Variants in XPNPEP3 observed in about 807,000 individuals in gnomAD.
XPNPEP3 encodes xaa-Pro aminopeptidase 3.
In XPNPEP3, 41 loss-of-function variants were observed where a neutral mutation model predicts 60.0. The ratio of observed to expected loss-of-function variants is 0.68; its 90% confidence interval spans 0.53 to 0.89. The LOEUF is 0.89. Ranked by LOEUF, XPNPEP3 falls within the 40% of genes least tolerant of loss-of-function variation. XPNPEP3 has a pLI of 0.00. For synonymous variants in XPNPEP3, 212 were observed against 223.2 expected, an observed-to-expected ratio of 0.95 and a Z score of 0.45; for missense variants, 598 against 638.9, an observed-to-expected ratio of 0.94 and a Z score of 0.69.
At chr22:40,861,544 A>G in intron 1 of XPNPEP3, 1 of 1,613,482 alleles carries the variant, frequency 6.2e-7, no homozygotes, top group South Asian at 1.1e-5. Flanking sequence ...TCATATGAAG[A>G]AAATTTCTCA....
At chr22:40,889,009 T>G (rs760314825) in intron 4 of XPNPEP3, among the ~76,000 whole-genome samples, 8 of 148,806 alleles carry the variant, frequency 5.4e-5, no homozygotes, top group Non-Finnish European at 1.0e-4. Flanking sequence ...TTCCTAATGG[T>G]TTTTTTTTTG....
chr22:40,904,681 G>T (rs1014502983), intron 4 of XPNPEP3, among the ~76,000 whole-genome samples: 4 of 152,180 alleles, frequency 2.6e-5, no homozygotes, highest in Admixed American at 1.3e-4. Context: ...TATGTTTTAG[G>T]TTTCATGCTA....
rs560908648 is a variant in XPNPEP3 at position 40,914,531 on chromosome 22, A to ATTTT, written c.1055+235_1055+238dup. On this transcript the variant is annotated intron_variant, in intron 7 of 9. Coordinates refer to ENST00000357137, the MANE Select transcript of XPNPEP3 (RefSeq NM_022098.4). ...AGAAACACCTAGGTAACTAACAAAG[A>ATTTT]TTTTTTTTTTTTTTTTTTTTTTTTT... 1.8e-3 allele frequency among the ~76,000 whole-genome samples: 125 copies of ATTTT among 67,666 alleles called. 13 individuals carry two copies. The highest frequency in any genetic ancestry group is 5.2e-3 in the African/African-American group (91 of 17,644). The allele number at this position is 67,666 out of a possible 152,430, so 44.4% of individuals were successfully genotyped here.
chr22:40,862,392 C>G, intron 1 of XPNPEP3: 7 of 993,004 alleles, frequency 7.0e-6, no homozygotes, highest in Non-Finnish European at 8.4e-6. Context: ...AATATGACCT[C>G]TAGATTACTG....
chr22:40,857,215 C>T lies in XPNPEP3; in HGVS notation c.34C>T (p.Pro12Ser), dbSNP rs1213385999. 1.2e-6 allele frequency: 2 copies of T among 1,614,094 alleles called. No homozygotes were observed. Among genetic ancestry groups the T allele is most frequent in the East Asian group, 2.2e-5 (1 of 44,888 alleles). Residue 12 changes from proline (P) to serine (S), a missense_variant, in exon 1 of 10, where the codon CCC becomes TCC. Transcript: ENST00000357137. The part of the protein sequence containing the change: ...PWLLSAPKLV[P>S]AVANVRGLSG... The stretch of plus-strand genomic sequence containing the variant: ...GCTGCTCTCAGCCCCCAAGCTGGTT[C>T]CCGCTGTAGCAAACGTCCGCGGCCT...
In XPNPEP3 at chr22:40,895,100, T is replaced by G. The variant is rs1016377344; in HGVS notation, c.792+8585T>G. On this transcript the variant is annotated intron_variant, in intron 4 of 9. Coordinates refer to ENST00000357137, the MANE Select transcript of XPNPEP3 (RefSeq NM_022098.4). ...TTTCATACAGAATTGCCCTCAGTTC[T>G]AGAACAGTCATCTGTGAACCAGTCC... Among the ~76,000 whole-genome samples the G allele has an allele frequency of 1.1e-4, 17 of 152,310 alleles. No homozygotes were observed. The East Asian group carries it at 3.3e-3, about 29-fold the overall frequency.
chr22:40,902,663 G>A (rs1003761560), intron 4 of XPNPEP3, among the ~76,000 whole-genome samples: 4 of 152,138 alleles, frequency 2.6e-5, no homozygotes, highest in East Asian at 3.9e-4. Flanking sequence ...GATTACAGGC[G>A]TGAGCCACCA....
intron 7 of XPNPEP3, among the ~76,000 whole-genome samples, chr22:40,919,192 A>C (rs1416677922): frequency 6.6e-6 from 1 of 152,186 alleles, no homozygotes; most frequent in Non-Finnish European, 1.5e-5. Context: ...ACTTAACTGT[A>C]GATTGGAGAC....
intron 7 of XPNPEP3, chr22:40,917,452 A>C (rs952743950): frequency 2.0e-5 from 3 of 152,116 alleles, no homozygotes; most frequent in African/African-American, 7.2e-5. Flanking sequence ...TAACAGATAC[A>C]AGATTTGGGA....
chr22:40,892,577 C>G (rs1222917069), intron 4 of XPNPEP3, among the ~76,000 whole-genome samples: 1 of 152,168 alleles, frequency 6.6e-6, no homozygotes, highest in Non-Finnish European at 1.5e-5. Flanking sequence ...CACTAAGGCT[C>G]TCTTATTTTG....
chr22:40,861,349 T>G (rs1347239733), intron 1 of XPNPEP3: 1 of 1,614,062 alleles, frequency 6.2e-7, no homozygotes, highest in African/African-American at 1.3e-5. Context: ...AACTCTCCAT[T>G]ATCTTCAGCT....
intron 7 of XPNPEP3, among the ~76,000 whole-genome samples, chr22:40,919,735 GCATT>G (rs981222857): frequency 2.4e-4 from 37 of 152,270 alleles, no homozygotes; most frequent in Non-Finnish European, 3.8e-4. Flanking sequence ...ATTCATAACA[GCATT>G]TATTCACAAT....
intron 4 of XPNPEP3, among the ~76,000 whole-genome samples, chr22:40,905,087 T>A (rs1451302388): frequency 1.4e-5 from 2 of 147,676 alleles, no homozygotes; most frequent in African/African-American, 2.5e-5. Context: ...TTTTTTTTAA[T>A]TTTTTTTTTG....
At chr22:40,895,100 T>C (rs1016377344) in intron 4 of XPNPEP3, among the ~76,000 whole-genome samples, 16 of 152,192 alleles carry the variant, frequency 1.1e-4, no homozygotes, top group Non-Finnish European at 2.1e-4. Flanking sequence ...CCCTCAGTTC[T>C]AGAACAGTCA....
At chr22:40,916,365 A>G (rs1201959065) in intron 7 of XPNPEP3, among the ~76,000 whole-genome samples, 1 of 152,194 alleles carries the variant, frequency 6.6e-6, no homozygotes, top group Non-Finnish European at 1.5e-5. Flanking sequence ...AGTAGCTGTT[A>G]TAGATAAGTT....
intron 1 of XPNPEP3, among the ~76,000 whole-genome samples, chr22:40,868,460 T>C (rs193263462): frequency 6.6e-6 from 1 of 152,090 alleles, no homozygotes; most frequent in East Asian, 1.9e-4. Flanking sequence ...TGTGTATGTG[T>C]ATAAAATATT....
chr22:40,929,754 C>G lies in XPNPEP3; in HGVS notation c.*3319C>G, dbSNP rs921351043. ...TTCTCATAGCAATGTTATGGGCTGT[C>G]TGATATATTCAGGATTTGTTGAGCA... is the stretch of plus-strand genomic sequence containing the variant. On this transcript the variant is annotated 3_prime_UTR_variant, in exon 10 of 10. Coordinates refer to ENST00000357137, the MANE Select transcript of XPNPEP3 (RefSeq NM_022098.4). 1.1e-4 allele frequency: 17 copies of G among 152,246 alleles called. No homozygotes were observed. Among genetic ancestry groups the G allele is most frequent in the African/African-American group, 3.6e-4 (15 of 41,530 alleles). 9.4% of individuals were successfully genotyped at this position (152,246 alleles called of 1,614,324 possible).
At chr22:40,869,228 C>A (rs2057993802) in intron 2 of XPNPEP3, 113 bp downstream of exon 2, 1 of 917,942 alleles carries the variant, frequency 1.1e-6, no homozygotes, top group Non-Finnish European at 1.8e-6. Flanking sequence ...AAGGTAGCCA[C>A]TAACCTCACA....
chr22:40,861,280 A>G (rs145462061), intron 1 of XPNPEP3: 2 of 1,614,070 alleles, frequency 1.2e-6, no homozygotes, highest in African/African-American at 2.7e-5. Context: ...TGTGTTCTCC[A>G]GCTGCATTCT....
Sources: allele counts gnomAD v4.1 joint callset (sites outside exome capture counted in the v4.1 genomes callset), GRCh38; gene constraint gnomAD v4.1.1; transcripts MANE v1.5; gene names NCBI Gene and HGNC (gene_info 2026-07-23, HGNC 2026-07-21).